Variants in RANBP2 observed in about 807,000 individuals in gnomAD.
RANBP2 encodes the protein RAN binding protein 2.
In RANBP2, 57 loss-of-function variants were observed where a neutral mutation model predicts 303.6. That is an observed-to-expected ratio of 0.19 (90% CI 0.15 to 0.23). The LOEUF (loss-of-function observed/expected upper bound fraction) is 0.23. Among genes scored for constraint, RANBP2 ranks in the 10% least tolerant of loss-of-function variants. RANBP2 has a pLI of 1.00. For missense variants in RANBP2, 3,138 were observed against 3,780.8 expected (o/e 0.83, Z 4.46); for synonymous variants, 1,167 against 1,301.5 (o/e 0.90, Z 2.23).
the RANBP2 span, chr2:108,989,458 G>A: frequency 1.3e-5 from 2 of 152,488 alleles, no homozygotes; most frequent in East Asian, 1.9e-4. Context: ...GCCTTTAGGC[G>A]TGGGAGTGCT....
the RANBP2 span, among the ~76,000 whole-genome samples, chr2:109,688,208 G>A: frequency 6.6e-6 from 1 of 152,166 alleles, no homozygotes; most frequent in African/African-American, 2.4e-5. Context: ...CGGGGCAACA[G>A]CAGGAAAGGC....
chr2:109,334,055 G>C, the RANBP2 span, among the ~76,000 whole-genome samples: 76,483 of 152,010 alleles, frequency 0.5, 21,036 homozygotes, highest in Non-Finnish European at 0.62. Context: ...ACAGACAGTT[G>C]TGCATTTGAA....
the RANBP2 span, among the ~76,000 whole-genome samples, chr2:109,650,613 G>A: frequency 6.6e-6 from 1 of 152,210 alleles, no homozygotes; most frequent in African/African-American, 2.4e-5. Flanking sequence ...ATCCCCGTGT[G>A]TTGTGGGAGG....
the RANBP2 span, among the ~76,000 whole-genome samples, chr2:109,376,867 C>T: frequency 6.6e-6 from 1 of 152,242 alleles, no homozygotes; most frequent in Non-Finnish European, 1.5e-5. Flanking sequence ...GAACCCCTTC[C>T]TTTGTTCCCC....
chr2:109,016,415 C>A, the RANBP2 span, among the ~76,000 whole-genome samples: 1 of 152,266 alleles, frequency 6.6e-6, no homozygotes, highest in Admixed American at 6.5e-5. Context: ...TACCAACCTT[C>A]CCCCTTTCCT....
At chr2:108,745,900 G>GC (rs1044322555) in intron 7 of RANBP2, among the ~76,000 whole-genome samples, 1 of 122,174 alleles carries the variant, frequency 8.2e-6, no homozygotes, top group Non-Finnish European at 1.6e-5. Context: ...CTCTGTGTAT[G>GC]CTTTTTTTTT....
chr2:109,006,654 A>C, the RANBP2 span, among the ~76,000 whole-genome samples: 1 of 152,152 alleles, frequency 6.6e-6, no homozygotes, highest in Admixed American at 6.5e-5. Flanking sequence ...GGGAACAAAG[A>C]CTAAATCCCC....
the RANBP2 span, among the ~76,000 whole-genome samples, chr2:109,027,260 A>C: frequency 1.3e-5 from 2 of 151,340 alleles, no homozygotes; most frequent in Non-Finnish European, 3.0e-5. Flanking sequence ...AAAAAAAAAA[A>C]AAAACAAGGA....
At chr2:108,843,844 T>TTGTGTG in the RANBP2 span, among the ~76,000 whole-genome samples, 172 of 22,828 alleles carry the variant, frequency 7.5e-3, 4 homozygotes, top group African/African-American at 8.8e-3. Flanking sequence ...AGTTCATGTT[T>TTGTGTG]TGTGTGTGTG....
chr2:108,896,667 A>G, the RANBP2 span: 18 of 546,448 alleles, frequency 3.3e-5, no homozygotes, highest in Non-Finnish European at 5.2e-5. Flanking sequence ...GAGTGAGTAG[A>G]TATTTACTCT....
chr2:108,785,084 C>G lies in RANBP2; in HGVS notation c.*1183C>G, dbSNP rs1558946360. 6.6e-6 allele frequency: 1 copy of G among 152,170 alleles called. No individual in the cohort carries two copies. The highest frequency in any genetic ancestry group is 6.5e-5 in the Admixed American group (1 of 15,274). 9.4% of individuals were successfully genotyped at this position (152,170 alleles called of 1,614,324 possible). Reference sequence around the variant, plus strand: ...TGAATATTGACTGTCTTCCACCCATCTGTGTTCTTTCGGGTGAAATTACCT... The same window carrying G: ...TGAATATTGACTGTCTTCCACCCATGTGTGTTCTTTCGGGTGAAATTACCT... On this transcript the variant is annotated 3_prime_UTR_variant, in exon 29 of 29. Coordinates refer to ENST00000283195, the MANE Select transcript of RANBP2 (RefSeq NM_006267.5).
chr2:108,916,678 G>A, the RANBP2 span, among the ~76,000 whole-genome samples: 1 of 152,146 alleles, frequency 6.6e-6, no homozygotes, highest in East Asian at 1.9e-4. Flanking sequence ...TGAGAGAAAT[G>A]CTTGCTCTGA....
chr2:109,524,216 C>T, the RANBP2 span, among the ~76,000 whole-genome samples: 3 of 151,754 alleles, frequency 2.0e-5, no homozygotes, highest in South Asian at 6.2e-4. Flanking sequence ...ACAGCTTGTC[C>T]AAAGGCTCTA....
At chr2:109,030,262 A>C in the RANBP2 span, among the ~76,000 whole-genome samples, 1 of 152,162 alleles carries the variant, frequency 6.6e-6, no homozygotes, top group South Asian at 2.1e-4. Context: ...CATGCGCTCA[A>C]GTGCTTTACC....
chr2:109,063,132 T>C, the RANBP2 span, among the ~76,000 whole-genome samples: 1 of 152,056 alleles, frequency 6.6e-6, no homozygotes, highest in South Asian at 2.1e-4. Context: ...TCCCCTAGGG[T>C]TGTGCAGACA....
At chr2:109,520,058 T>C in the RANBP2 span, among the ~76,000 whole-genome samples, 4,243 of 152,328 alleles carry the variant, frequency 0.028, 219 homozygotes, top group African/African-American at 0.096. Context: ...GTTAGCATGA[T>C]ATCTGAGCAA....
At chr2:109,108,436 T>C in the RANBP2 span, among the ~76,000 whole-genome samples, 1 of 152,212 alleles carries the variant, frequency 6.6e-6, no homozygotes, top group African/African-American at 2.4e-5. Context: ...GTAATACTAC[T>C]ATCATTCAGG....
At chr2:109,722,279 T>A in the RANBP2 span, among the ~76,000 whole-genome samples, 1 of 151,420 alleles carries the variant, frequency 6.6e-6, no homozygotes, top group Non-Finnish European at 1.5e-5. Flanking sequence ...CATAGAGGAG[T>A]TAATCTACAC....
the RANBP2 span, among the ~76,000 whole-genome samples, chr2:109,506,784 A>G: frequency 6.6e-6 from 1 of 152,206 alleles, no homozygotes; most frequent in East Asian, 1.9e-4. Context: ...TACTAAAATG[A>G]TGGTTCTGAC....
Sources: gnomAD v4.1 joint callset for allele counts (sites outside exome capture counted in the v4.1 genomes callset) on GRCh38, gnomAD v4.1.1 for gene constraint, MANE v1.5 for transcripts, NCBI Gene and HGNC (gene_info 2026-07-23, HGNC 2026-07-21) for gene names.